SULT1E1: variants seen among roughly 807,000 people sequenced by gnomAD.
SULT1E1 encodes sulfotransferase 1E1.
Under a neutral mutation model 33.6 loss-of-function variants are expected in SULT1E1, and 36 were observed. The ratio of observed to expected loss-of-function variants is 1.07; its 90% CI spans 0.82 to 1.41. SULT1E1 has a LOEUF of 1.41. Among genes scored for constraint, SULT1E1 ranks in the 40% most tolerant of loss-of-function variants. The probability of loss-of-function intolerance (pLI) is 0.00; values close to 1 mark genes in which losing one functional copy is unlikely to be tolerated. For synonymous variants in SULT1E1, 121 were observed against 111.7 expected, an observed-to-expected ratio of 1.08 and a Z score of -0.53; for missense variants, 371 against 345.7, an observed-to-expected ratio of 1.07 and a Z score of -0.58.
downstream of SULT1E1, among the ~76,000 whole-genome samples, chr4:69,839,595 A>G (rs371547814): frequency 7.2e-5 from 11 of 152,334 alleles, no homozygotes; most frequent in African/African-American, 2.4e-4. Context: ...GCATTGTTCT[A>G]GAGATATAAT....
chr4:69,826,925 A>G, the SULT1E1 span, among the ~76,000 whole-genome samples: 3 of 152,022 alleles, frequency 2.0e-5, no homozygotes, highest in Non-Finnish European at 4.4e-5. Context: ...TCCCCTTCCT[A>G]TTAATGATAA....
downstream of SULT1E1, among the ~76,000 whole-genome samples, chr4:69,836,668 GC>G (rs1233510103): frequency 6.6e-6 from 1 of 152,090 alleles, no homozygotes; most frequent in Non-Finnish European, 1.5e-5. Flanking sequence ...TGCTTGTTTT[GC>G]AGTCTAAATG....
intron 4 of SULT1E1, among the ~76,000 whole-genome samples, chr4:69,853,701 T>A (rs915122208): frequency 6.6e-6 from 1 of 152,186 alleles, no homozygotes; most frequent in African/African-American, 2.4e-5. Flanking sequence ...TGTCTTACTC[T>A]TATGTCCCTA....
At chr4:69,831,359 G>A in the SULT1E1 span, among the ~76,000 whole-genome samples, 1 of 152,164 alleles carries the variant, frequency 6.6e-6, no homozygotes, top group Non-Finnish European at 1.5e-5. Context: ...GCCAAACAGG[G>A]TTGCAACCAT....
At chr4:69,821,824 A>G in the SULT1E1 span, among the ~76,000 whole-genome samples, 2 of 152,354 alleles carry the variant, frequency 1.3e-5, no homozygotes, top group Admixed American at 6.5e-5. Flanking sequence ...TTTCTGTCAT[A>G]TCAAAGAAAT....
At chr4:69,828,488 G>A in the SULT1E1 span, among the ~76,000 whole-genome samples, 9 of 152,024 alleles carry the variant, frequency 5.9e-5, no homozygotes, top group Admixed American at 1.3e-4. Flanking sequence ...TGAAGTCAGC[G>A]AGACCACAAA....
Position 69,859,266 on chromosome 4 carries a change from T to C in SULT1E1, c.-10+783A>G, listed in dbSNP as rs1721315937. ...CTCTCTTTCTTCCTTTCTTTCTGCA[T>C]ACTCCCCTCCTGCATCTTCCAACCT... On this transcript the variant is annotated intron_variant, in intron 1 of 7. Transcript: ENST00000226444. Among the ~76,000 whole-genome samples the C allele has an allele frequency of 5.3e-5, 8 of 152,204 alleles. No homozygotes were observed. The South Asian group carries it at 1.7e-3, about 32-fold the overall frequency.
the SULT1E1 span, among the ~76,000 whole-genome samples, chr4:69,830,404 A>AT: frequency 6.6e-6 from 1 of 152,338 alleles, no homozygotes; most frequent in South Asian, 2.1e-4. Flanking sequence ...CCATATGCTG[A>AT]TTTTGAGTAG....
the SULT1E1 span, among the ~76,000 whole-genome samples, chr4:69,821,420 C>G: frequency 6.6e-6 from 1 of 152,268 alleles, no homozygotes; most frequent in Middle Eastern, 3.4e-3. Context: ...ATTTGATTGG[C>G]ATAAAACATG....
At chr4:69,847,564 T>C (rs1199683780) in intron 6 of SULT1E1, 134 bp downstream of exon 6, 2 of 506,446 alleles carry the variant, frequency 3.9e-6, no homozygotes, top group African/African-American at 4.0e-5. Flanking sequence ...CTGTATTATT[T>C]TGGTCCTTTC....
At chr4:69,831,699 G>A in the SULT1E1 span, among the ~76,000 whole-genome samples, 2 of 151,950 alleles carry the variant, frequency 1.3e-5, no homozygotes, top group Non-Finnish European at 1.5e-5. Flanking sequence ...TTTTCTGACC[G>A]ACCAGACCGT....
intron 2 of SULT1E1, among the ~76,000 whole-genome samples, 170 bp downstream of exon 2, chr4:69,857,330 G>T (rs1721262708): frequency 6.6e-6 from 1 of 152,084 alleles, no homozygotes; most frequent in South Asian, 2.1e-4. Context: ...TCAAGTTACA[G>T]GTAAAAATTG....
the SULT1E1 span, among the ~76,000 whole-genome samples, chr4:69,824,592 T>A: frequency 6.6e-6 from 1 of 152,078 alleles, no homozygotes; most frequent in Non-Finnish European, 1.5e-5. Flanking sequence ...GGGTTCTTGG[T>A]CGGGTGGGGA....
intron 7 of SULT1E1, 85 bp from the exon 8 acceptor site, chr4:69,842,191 C>T: frequency 1.4e-6 from 1 of 728,738 alleles, no homozygotes; most frequent in South Asian, 1.6e-5. Flanking sequence ...TTCATTAACA[C>T]CTAATCAAAT....
At chr4:69,821,674 C>T in the SULT1E1 span, among the ~76,000 whole-genome samples, 1 of 152,190 alleles carries the variant, frequency 6.6e-6, no homozygotes, top group East Asian at 1.9e-4. Flanking sequence ...AGGATGCTCT[C>T]CTTCCTAGCA....
the SULT1E1 span, among the ~76,000 whole-genome samples, chr4:69,831,541 C>T: frequency 1.3e-5 from 2 of 152,202 alleles, no homozygotes; most frequent in African/African-American, 4.8e-5. Flanking sequence ...TTCTAATTCA[C>T]AGAGAGTTCT....
At chr4:69,839,769 G>A (rs1285765076), downstream of SULT1E1, among the ~76,000 whole-genome samples, 2 of 152,140 alleles carry the variant, frequency 1.3e-5, no homozygotes, top group Non-Finnish European at 2.9e-5. Flanking sequence ...CCAGGAAGAT[G>A]CCAATAATCT....
chr4:69,839,510 T>G (rs1481995985), downstream of SULT1E1, among the ~76,000 whole-genome samples: 1 of 152,198 alleles, frequency 6.6e-6, no homozygotes, highest in African/African-American at 2.4e-5. Context: ...CACATTCAAA[T>G]GATAACACAT....
At chr4:69,848,094 GTGTGTGT>G (rs923278882) in intron 5 of SULT1E1, among the ~76,000 whole-genome samples, 8 of 139,096 alleles carry the variant, frequency 5.8e-5, no homozygotes, top group African/African-American at 1.7e-4. Flanking sequence ...ACTGGTGTGT[GTGTGTGT>G]GTGTGTGTGT....
Sources: allele counts gnomAD v4.1 joint callset (sites outside exome capture counted in the v4.1 genomes callset), GRCh38; gene constraint gnomAD v4.1.1; transcripts MANE v1.5; gene names NCBI Gene and HGNC (gene_info 2026-07-23, HGNC 2026-07-21).